Variants in TXLNB observed in about 807,000 individuals in gnomAD.
TXLNB encodes the protein taxilin beta.
In TXLNB, 37 loss-of-function variants were observed where a neutral mutation model predicts 57.4. The ratio of observed to expected loss-of-function variants is 0.64; its 90% CI spans 0.50 to 0.85. The LOEUF is 0.85. Ranked by LOEUF, TXLNB falls within the 40% of genes least tolerant of loss-of-function variation. The probability of loss-of-function intolerance (pLI) is 0.00; values close to 1 mark genes in which losing one functional copy is unlikely to be tolerated. For synonymous variants in TXLNB, 302 were observed against 309.6 expected (o/e 0.98, Z 0.26); for missense variants, 848 against 825.6 (o/e 1.03, Z -0.33).
Position 139,262,617 on chromosome 6 carries a change from G to C in TXLNB, c.844C>G (p.Leu282Val), listed in dbSNP as rs1295084995. The C allele has an allele frequency of 1.2e-6, 2 of 1,614,032 alleles. No individual in the cohort carries two copies. Among genetic ancestry groups the C allele is most frequent in the Non-Finnish European group, 1.7e-6 (2 of 1,179,974 alleles). The change falls in exon 5 of 10, where the codon CTG becomes GTG. Residue 282 changes from leucine to valine, a missense_variant. Physicochemically the swap from Leu to Val is conservative, Grantham distance 32 (BLOSUM62 1). Transcript: ENST00000358430. ...TCATACTGATCGATGATGCTTTTCAGCTTTTCTGCAAGCTCTGTGTTCTCC... is the reference window on the plus strand; with the variant it reads ...TCATACTGATCGATGATGCTTTTCACCTTTTCTGCAAGCTCTGTGTTCTCC... ...CQENTELAEK[L>V]KSIIDQYELR...
chr6:139,323,556 T>A, the TXLNB span, among the ~76,000 whole-genome samples: 2 of 152,214 alleles, frequency 1.3e-5, no homozygotes, highest in Non-Finnish European at 1.5e-5. Context: ...GTGCTGGGAT[T>A]ACAGGCGTGA....
At chr6:139,198,893 C>G in the TXLNB span, among the ~76,000 whole-genome samples, 1 of 152,100 alleles carries the variant, frequency 6.6e-6, no homozygotes, top group Non-Finnish European at 1.5e-5. Flanking sequence ...GAACCCTGTC[C>G]ATACCTCTAT....
At chr6:139,290,317 C>T (rs4454155) in intron 1 of TXLNB, among the ~76,000 whole-genome samples, 57,388 of 151,996 alleles carry the variant, frequency 0.38, 13,076 homozygotes, top group African/African-American at 0.65. Flanking sequence ...GAGGCGGAGG[C>T]TGTAGTGAGC....
chr6:139,193,912 G>T, the TXLNB span, among the ~76,000 whole-genome samples: 5 of 145,338 alleles, frequency 3.4e-5, no homozygotes, highest in Non-Finnish European at 7.5e-5. Context: ...CGCGATCTCG[G>T]CTCACTGCAA....
the TXLNB span, among the ~76,000 whole-genome samples, chr6:139,182,472 T>C: frequency 6.6e-6 from 1 of 152,238 alleles, no homozygotes; most frequent in Non-Finnish European, 1.5e-5. Context: ...TTATTGGTGG[T>C]TTCCATTACT....
In TXLNB at chr6:139,245,939, C is replaced by T. The variant is rs371471390; in HGVS notation, c.1171-1249G>A. 4.6e-5 allele frequency among the ~76,000 whole-genome samples: 7 copies of T among 152,226 alleles called. No individual in the cohort carries two copies. In the East Asian group the frequency reaches 1.4e-3, roughly 29 times the overall value. On this transcript the variant is annotated intron_variant, in intron 8 of 9. Transcript: ENST00000358430. ...AGCTCCTGACCTCAAGTGATCCACC[C>T]GCCTCAGCCTCCCAAAATGCTGGGA...
At chr6:139,321,281 G>C in the TXLNB span, among the ~76,000 whole-genome samples, 1 of 152,124 alleles carries the variant, frequency 6.6e-6, no homozygotes, top group Non-Finnish European at 1.5e-5. Flanking sequence ...CATGAAGGTA[G>C]AGCCTTCATG....
chr6:139,205,999 A>G, the TXLNB span, among the ~76,000 whole-genome samples: 6 of 152,274 alleles, frequency 3.9e-5, no homozygotes, highest in Non-Finnish European at 8.8e-5. Flanking sequence ...CTTACAAGTT[A>G]GAAGGGATTG....
chr6:139,243,008 G>T lies in TXLNB; in HGVS notation c.1573C>A (p.Pro525Thr). 6.2e-7 allele frequency: 1 copy of T among 1,614,128 alleles called. No homozygotes were observed. Among genetic ancestry groups the T allele is most frequent in the Non-Finnish European group, 8.5e-7 (1 of 1,180,024 alleles). ...STPHQSKETQ[P>T]EIGSSQESAD... ...CTCTCCTGAGAACTGCCTATTTCGG[G>T]TTGGGTTTCTTTGGACTGGTGCGGG... The change falls in exon 10 of 10, where the codon CCC becomes ACC. Residue 525 changes from proline to threonine, a missense_variant. Pro to Thr is a conservative substitution (Grantham distance 38). Coordinates refer to ENST00000358430, the MANE Select transcript of TXLNB (RefSeq NM_153235.4).
chr6:139,178,553 A>G, the TXLNB span: 1 of 147,224 alleles, frequency 6.8e-6, no homozygotes, highest in East Asian at 2.0e-4. Context: ...TATTTAGGCA[A>G]TATTGCACGT....
At chr6:139,293,616 G>A (rs1415218922), upstream of TXLNB, among the ~76,000 whole-genome samples, 1 of 151,952 alleles carries the variant, frequency 6.6e-6, no homozygotes, top group Non-Finnish European at 1.5e-5. Flanking sequence ...GCAAACTTAT[G>A]TTATTTTTAA....
chr6:139,288,658 C>CA lies in TXLNB; in HGVS notation c.241_242insT (p.Gly81ValfsTer7). On this transcript the variant is annotated frameshift_variant, in exon 2 of 10. Transcript: ENST00000358430. LOFTEE classifies it high-confidence loss of function. ...AGGCTGCTCACTGGCCCTGGCAGAGCCCTCTTTCCCTGCTGTGCTGGCAGC... is the reference window on the plus strand; with the variant it reads ...AGGCTGCTCACTGGCCCTGGCAGAGCACCTCTTTCCCTGCTGTGCTGGCAGC... 3 of 1,614,198 alleles carry CA rather than the reference C, an allele frequency of 1.9e-6. No individual in the cohort carries two copies.
the TXLNB span, among the ~76,000 whole-genome samples, chr6:139,182,607 C>G: frequency 6.6e-6 from 1 of 151,946 alleles, no homozygotes. Flanking sequence ...TTGTCTTGAG[C>G]TTTTCTTCTT....
At chr6:139,238,613 A>G (rs1775863091), downstream of TXLNB, among the ~76,000 whole-genome samples, 1 of 152,210 alleles carries the variant, frequency 6.6e-6, no homozygotes, top group South Asian at 2.1e-4. Context: ...CGTTGAGAAA[A>G]ATCTTCATTA....
the TXLNB span, among the ~76,000 whole-genome samples, chr6:139,193,840 ATTT>A: frequency 0.024 from 2,053 of 85,136 alleles, 59 homozygotes; most frequent in South Asian, 0.13. Flanking sequence ...ATATATATAT[ATTT>A]TTTTTTTTTT....
the TXLNB span, among the ~76,000 whole-genome samples, chr6:139,160,835 A>G: frequency 6.6e-6 from 1 of 152,202 alleles, no homozygotes; most frequent in Non-Finnish European, 1.5e-5. Context: ...TTATGGTAGC[A>G]TATAAGCAAA....
At chr6:139,187,643 A>G in the TXLNB span, among the ~76,000 whole-genome samples, 1 of 152,214 alleles carries the variant, frequency 6.6e-6, no homozygotes, top group Non-Finnish European at 1.5e-5. Context: ...TTTGGTAAGT[A>G]CAGAACTCTG....
upstream of TXLNB, among the ~76,000 whole-genome samples, chr6:139,292,599 T>G (rs73560790): frequency 6.6e-6 from 1 of 152,180 alleles, no homozygotes; most frequent in Non-Finnish European, 1.5e-5. This position sits in a 1 kb window ranked among gnomAD's most constrained non-coding sequence, Gnocchi z 4.0. Context: ...GGAGCTGAAC[T>G]GAGTATAATC....
the TXLNB span, among the ~76,000 whole-genome samples, chr6:139,319,539 G>A: frequency 6.6e-6 from 1 of 151,830 alleles, no homozygotes; most frequent in Admixed American, 6.6e-5. Flanking sequence ...CAGCACTTTG[G>A]GAGGCTGAGC....
Sources: gnomAD v4.1 joint callset for allele counts (sites outside exome capture counted in the v4.1 genomes callset) on GRCh38, gnomAD v4.1.1 for gene constraint, Gnocchi (gnomAD v3.1) non-coding constraint, MANE v1.5 for transcripts, NCBI Gene and HGNC (gene_info 2026-07-23, HGNC 2026-07-21) for gene names.